The following AHCY variants were observed in gnomAD, a reference collection of about 807,000 sequenced individuals.
The protein encoded by AHCY is S-adenosyl-L-homocysteine hydrolase.
A neutral mutation model predicts 45.4 loss-of-function variants in AHCY; 24 were observed. The observed-to-expected ratio is 0.53, with a 90% confidence interval of 0.38 to 0.74. The LOEUF (loss-of-function observed/expected upper bound fraction) is 0.74, where lower values mean the gene tolerates loss of function less well. Among genes scored for constraint, AHCY ranks in the 30% least tolerant of loss-of-function variants. The pLI, the probability that AHCY is intolerant of heterozygous loss-of-function variation, is 0.00. For synonymous variants in AHCY, 245 were observed against 235.1 expected (o/e 1.04, Z -0.39); for missense variants, 449 against 594.1 (o/e 0.76, Z 2.54).
rs1335659227 is a variant in AHCY, at chr20:34,281,085, G to T, written c.1248C>A (p.Tyr416Ter). Reference sequence around the variant, plus strand: ...AGGGGCCATCACAGGACATGCCCAGGTACTGGGCTTGCTTCTCAGTTAGCT... The same window carrying T: ...AGGGGCCATCACAGGACATGCCCAGTTACTGGGCTTGCTTCTCAGTTAGCT... ...LTKLTEKQAQYLGMSCDGPFK... is the reference protein window; with the variant it reads ...LTKLTEKQAQ The change falls in exon 10 of 10, where the codon TAC becomes TAA. Residue 416 changes from tyrosine (Y) to a stop codon, truncating the protein, a stop_gained. Coordinates refer to ENST00000217426, the MANE Select transcript of AHCY (RefSeq NM_000687.4). LOFTEE classifies it high-confidence loss of function. 2 of 1,614,062 alleles carry T rather than the reference G, an allele frequency of 1.2e-6. No individual in the cohort carries two copies. Among genetic ancestry groups the T allele is most frequent in the Non-Finnish European group, 1.7e-6 (2 of 1,180,036 alleles).
the AHCY span, among the ~76,000 whole-genome samples, chr20:34,258,971 G>T: frequency 6.9e-6 from 1 of 145,508 alleles, no homozygotes; most frequent in South Asian, 2.1e-4. Flanking sequence ...GGGAGGCTTA[G>T]GTGGGAGGAT....
chr20:34,283,235 G>C (rs6120594), intron 9 of AHCY, among the ~76,000 whole-genome samples: 1 of 152,048 alleles, frequency 6.6e-6, no homozygotes, highest in Non-Finnish European at 1.5e-5. Flanking sequence ...CACGTCCTAA[G>C]GTCAACACCT....
intron 1 of AHCY, among the ~76,000 whole-genome samples, chr20:34,296,271 G>A (rs139429524): frequency 1.3e-5 from 2 of 152,220 alleles, no homozygotes; most frequent in East Asian, 3.9e-4. Context: ...CAGGAAGCTG[G>A]TGTTCTCTGC....
the AHCY span, among the ~76,000 whole-genome samples, chr20:34,232,908 C>T: frequency 1.3e-5 from 2 of 152,158 alleles, no homozygotes; most frequent in African/African-American, 4.8e-5. Flanking sequence ...AACTATTTGC[C>T]AGGTTGCAGT....
chr20:34,237,139 T>C, the AHCY span, among the ~76,000 whole-genome samples: 1 of 152,214 alleles, frequency 6.6e-6, no homozygotes, highest in Admixed American at 6.5e-5. Flanking sequence ...TGTGGCTTTG[T>C]AGTAAGTTTT....
chr20:34,296,662 A>C (rs1336593005), intron 1 of AHCY, among the ~76,000 whole-genome samples: 5 of 152,136 alleles, frequency 3.3e-5, no homozygotes, highest in Admixed American at 2.0e-4. Flanking sequence ...CAAAGTTTGC[A>C]GACTTCCCCG....
At chr20:34,256,394 G>T in the AHCY span, among the ~76,000 whole-genome samples, 1 of 152,052 alleles carries the variant, frequency 6.6e-6, no homozygotes, top group Non-Finnish European at 1.5e-5. Context: ...TTATTTCTAC[G>T]ATCTCTCGTC....
rs2036845336 is a variant in AHCY, at chr20:34,303,280, A to C, written c.-10T>G. The C allele has an allele frequency of 3.2e-6, 5 of 1,551,562 alleles. No homozygotes were observed. Among genetic ancestry groups the C allele is most frequent in the Non-Finnish European group, 4.4e-6 (5 of 1,146,994 alleles). ...GCAGTTTGTCAGACATGCTGGCGGCACTCGTGATGGAAACGGGCGAAGGGG... is the reference window on the plus strand; with the variant it reads ...GCAGTTTGTCAGACATGCTGGCGGCCCTCGTGATGGAAACGGGCGAAGGGG... On this transcript the variant is annotated 5_prime_UTR_variant, in exon 1 of 10. Coordinates refer to ENST00000217426, the MANE Select transcript of AHCY (RefSeq NM_000687.4).
chr20:34,245,103 A>G, the AHCY span, among the ~76,000 whole-genome samples: 2 of 152,192 alleles, frequency 1.3e-5, no homozygotes, highest in East Asian at 3.9e-4. Flanking sequence ...TGGGAGGCCA[A>G]GGTGGGCAAA....
At chr20:34,238,464 G>T in the AHCY span, among the ~76,000 whole-genome samples, 7 of 151,894 alleles carry the variant, frequency 4.6e-5, no homozygotes. Flanking sequence ...TTAAATTTTG[G>T]TTATTGTACT....
At chr20:34,303,787 A>G (rs1362501417), upstream of AHCY, among the ~76,000 whole-genome samples, 1 of 152,182 alleles carries the variant, frequency 6.6e-6, no homozygotes, top group Non-Finnish European at 1.5e-5. Flanking sequence ...TGAGCCCAGG[A>G]GTTCAAGACC....
downstream of AHCY, among the ~76,000 whole-genome samples, chr20:34,279,715 A>G (rs536079313): frequency 2.4e-4 from 36 of 152,346 alleles, no homozygotes; most frequent in African/African-American, 7.2e-4. Flanking sequence ...CAGAGTGAGC[A>G]GTTTTCAGCC....
chr20:34,285,829 G>A (rs1301682745), intron 8 of AHCY, among the ~76,000 whole-genome samples, 195 bp from the exon 9 acceptor site: 2 of 152,208 alleles, frequency 1.3e-5, no homozygotes, highest in African/African-American at 2.4e-5. Context: ...GCCGGGGCAC[G>A]GTGGCTCACG....
the AHCY span, among the ~76,000 whole-genome samples, chr20:34,243,112 C>T: frequency 6.6e-6 from 1 of 152,222 alleles, no homozygotes; most frequent in African/African-American, 2.4e-5. Flanking sequence ...ACTCTGACCC[C>T]TGTTTCAGTG....
At chr20:34,265,820 C>T in the AHCY span, among the ~76,000 whole-genome samples, 1 of 151,928 alleles carries the variant, frequency 6.6e-6, no homozygotes, top group Non-Finnish European at 1.5e-5. Context: ...TATGGTGCTG[C>T]ACGCCTGTAA....
the AHCY span, among the ~76,000 whole-genome samples, chr20:34,258,697 T>TATATATATATATATATATATACACAC: frequency 2.3e-4 from 3 of 13,134 alleles, no homozygotes; most frequent in Non-Finnish European, 8.8e-4. Flanking sequence ...ATATACATAC[T>TATATATATATATATATATATACACAC]ATATATATAT....
Position 34,296,001 on chromosome 20 carries a change from G to C in AHCY, c.29-416C>G, listed in dbSNP as rs1442052103. Among the ~76,000 whole-genome samples, 3 of 151,914 alleles carry C rather than the reference G, an allele frequency of 2.0e-5. No individual in the cohort carries two copies. The East Asian group carries it at 5.8e-4, about 29-fold the overall frequency. On this transcript the variant is annotated intron_variant, in intron 1 of 9. Transcript: ENST00000217426. ...TCTTCCTCTCTCAGTCATCACTCTC[G>C]GTGATTCAACACTTATAAATACTAT...
chr20:34,259,984 C>T, the AHCY span, among the ~76,000 whole-genome samples: 1 of 152,040 alleles, frequency 6.6e-6, no homozygotes, highest in Non-Finnish European at 1.5e-5. Flanking sequence ...ATCTCTGCTA[C>T]TGTGAGGCCC....
the AHCY span, among the ~76,000 whole-genome samples, chr20:34,270,401 G>A: frequency 1.3e-5 from 2 of 152,160 alleles, no homozygotes; most frequent in Admixed American, 6.5e-5. Flanking sequence ...CTGTTATTTA[G>A]GTTGCAGTCC....
Sources: allele counts gnomAD v4.1 joint callset (sites outside exome capture counted in the v4.1 genomes callset), GRCh38; gene constraint gnomAD v4.1.1; transcripts MANE v1.5; gene names NCBI Gene and HGNC (gene_info 2026-07-23, HGNC 2026-07-21).